EYS: variants seen among roughly 807,000 people sequenced by gnomAD.
The protein encoded by EYS is protein eyes shut homolog.
Under a neutral mutation model 282.1 loss-of-function variants are expected in EYS, and 250 were observed. The ratio of observed to expected loss-of-function variants is 0.89; its 90% CI spans 0.80 to 0.98. EYS has a LOEUF of 0.98. Among genes scored for constraint, EYS ranks in the 50% least tolerant of loss-of-function variants. The probability of loss-of-function intolerance (pLI) is 0.00; values close to 1 mark genes in which losing one functional copy is unlikely to be tolerated. For synonymous variants in EYS, 1,355 were observed against 1,282.9 expected, an observed-to-expected ratio of 1.06 and a Z score of -1.20; for missense variants, 4,016 against 3,709.0, an observed-to-expected ratio of 1.08 and a Z score of -2.15.
rs1347645814 is a variant in EYS at position 65,495,197 on chromosome 6, G to C, written c.214C>G (p.Gln72Glu). 2 of 1,614,162 alleles carry C rather than the reference G, an allele frequency of 1.2e-6. No homozygotes were observed. Among genetic ancestry groups the C allele is most frequent in the Non-Finnish European group, 8.5e-7 (1 of 1,180,032 alleles). Residue 72 changes from glutamine (Q) to glutamate (E), a missense_variant, in exon 4 of 43, where the codon CAA becomes GAA. Gln to Glu is a conservative substitution (Grantham distance 29, BLOSUM62 2). Coordinates refer to ENST00000503581, the MANE Select transcript of EYS (RefSeq NM_001142800.2). ...AAAGGGCAAATCTGGGGAACAGCTTGATTGCCTGAAGTATCTATTTTAGTG... is the reference window on the plus strand; with the variant it reads ...AAAGGGCAAATCTGGGGAACAGCTTCATTGCCTGAAGTATCTATTTTAGTG... Reference protein sequence around the residue: ...VNTKIDTSGNQAVPQICPLQI... With the variant: ...VNTKIDTSGNEAVPQICPLQI...
chr6:63,876,164 T>A (rs1296558789), intron 35 of EYS, among the ~76,000 whole-genome samples: 3 of 152,166 alleles, frequency 2.0e-5, no homozygotes, highest in Admixed American at 2.0e-4. Context: ...AGATTCTGGT[T>A]TGTTGTGTCT....
intron 33 of EYS, among the ~76,000 whole-genome samples, chr6:64,005,417 T>C (rs1768298207): frequency 6.6e-6 from 1 of 152,160 alleles, no homozygotes; most frequent in Non-Finnish European, 1.5e-5. Context: ...ATCTTACAGG[T>C]TGTCTGTTTA....
At chr6:64,383,796 T>G (rs1485635044) in intron 29 of EYS, among the ~76,000 whole-genome samples, 1 of 152,210 alleles carries the variant, frequency 6.6e-6, no homozygotes, top group African/African-American at 2.4e-5. Flanking sequence ...GTTGTTACCT[T>G]TCTTGATTTC....
chr6:64,704,732 A>G (rs1770940222), intron 22 of EYS, among the ~76,000 whole-genome samples: 2 of 152,044 alleles, frequency 1.3e-5, no homozygotes, highest in South Asian at 4.2e-4. Flanking sequence ...GAAGGGAAGA[A>G]CAATGATTGA....
At position 65,353,577 on chromosome 6, in the gene EYS, A is replaced by G; in HGVS notation, c.1340T>C (p.Phe447Ser). 1 of 1,613,256 alleles carries G rather than the reference A, an allele frequency of 6.2e-7. No homozygotes were observed. The highest frequency in any genetic ancestry group is 1.1e-5 in the South Asian group (1 of 91,076). The change falls in exon 9 of 43, where the codon TTT becomes TCT. Residue 447 changes from phenylalanine (F) to serine (S), a missense_variant. Physicochemically the swap from Phe to Ser is radical, Grantham distance 155. Transcript: ENST00000503581. ...ATGAATTAGGTAAACATTCTTCAAA[A>G]ACCAACATGGATTTTTTGTGCACCC... is the stretch of plus-strand genomic sequence containing the variant. ...IPGCTKNPCWFLKNVYLIHQH... is the reference protein window; with the variant it reads ...IPGCTKNPCWSLKNVYLIHQH...
chr6:64,775,041 T>G, intron 22 of EYS, among the ~76,000 whole-genome samples: 1 of 151,962 alleles, frequency 6.6e-6, no homozygotes, highest in East Asian at 1.9e-4. Context: ...CTCGAATGCC[T>G]AGAGATGTCC....
intron 9 of EYS, 125 bp from the exon 10 acceptor site, chr6:65,344,302 T>C (rs1044537734): frequency 9.0e-6 from 7 of 775,216 alleles, no homozygotes; most frequent in African/African-American, 8.8e-5. Flanking sequence ...ACAAAATAAG[T>C]TCCTGTATGC....
chr6:65,566,663 T>C (rs62407713), intron 2 of EYS, among the ~76,000 whole-genome samples: 1 of 152,070 alleles, frequency 6.6e-6, no homozygotes, highest in South Asian at 2.1e-4. Flanking sequence ...AACCTCTATA[T>C]TTAATCATGG....
intron 36 of EYS, among the ~76,000 whole-genome samples, chr6:63,855,713 G>A (rs1353312894): frequency 1.3e-5 from 2 of 152,198 alleles, no homozygotes; most frequent in Non-Finnish European, 2.9e-5. Flanking sequence ...TATGGCCAGT[G>A]TTTACAAGGT....
At position 64,024,055 on chromosome 6, in the gene EYS, G is replaced by A. The variant is rs538188706; in HGVS notation, c.6726-24872C>T. ...GCTCCTGTGCTGCCCGAGCCTCCCC[G>A]ATGAGTGCCACCCCCTGCTCCACAG... is the stretch of plus-strand genomic sequence containing the variant. On this transcript the variant is annotated intron_variant, in intron 33 of 42. Transcript: ENST00000503581. Among the ~76,000 whole-genome samples the A allele has an allele frequency of 2.8e-4, 42 of 152,284 alleles. 1 individual carries two copies. The South Asian group carries it at 8.1e-3, about 29-fold the overall frequency.
At chr6:64,447,053 T>A (rs1012138500) in intron 26 of EYS, among the ~76,000 whole-genome samples, 2 of 151,874 alleles carry the variant, frequency 1.3e-5, no homozygotes, top group Non-Finnish European at 2.9e-5. Context: ...TGAGAAAAAA[T>A]TTTATGTATG....
chr6:65,275,409 G>C (rs569807965), intron 12 of EYS, among the ~76,000 whole-genome samples: 2 of 152,264 alleles, frequency 1.3e-5, no homozygotes, highest in South Asian at 2.1e-4. Flanking sequence ...TCATCAAATG[G>C]AAATTTTATG....
At chr6:64,953,860 A>C (rs1243058491) in intron 14 of EYS, among the ~76,000 whole-genome samples, 1 of 152,006 alleles carries the variant, frequency 6.6e-6, no homozygotes, top group Non-Finnish European at 1.5e-5. Flanking sequence ...ATACAAATAC[A>C]TGAAGAATAT....
intron 2 of EYS, among the ~76,000 whole-genome samples, chr6:65,550,427 C>T (rs1161400427): frequency 1.1e-4 from 1 of 8,790 alleles, no homozygotes; most frequent in Non-Finnish European, 1.5e-4. Flanking sequence ...CATGCTGGTG[C>T]GCTGCACCCA....
At chr6:64,977,721 G>A (rs1269242452) in intron 14 of EYS, among the ~76,000 whole-genome samples, 1 of 150,944 alleles carries the variant, frequency 6.6e-6, no homozygotes, top group Non-Finnish European at 1.5e-5. Context: ...CAGTGAACAT[G>A]CAAATTGTAG....
intron 12 of EYS, among the ~76,000 whole-genome samples, chr6:65,091,102 C>A (rs1169913588): frequency 6.6e-6 from 1 of 151,286 alleles, no homozygotes; most frequent in Non-Finnish European, 1.5e-5. Context: ...TGTTCATATT[C>A]TGGATTAGGA....
chr6:64,073,431 G>C (rs1399983308), intron 32 of EYS, among the ~76,000 whole-genome samples: 1 of 151,604 alleles, frequency 6.6e-6, no homozygotes, highest in Non-Finnish European at 1.5e-5. Context: ...TGTAACCCTA[G>C]GATTCTATAA....
At chr6:65,534,911 A>C (rs1767909656) in intron 2 of EYS, among the ~76,000 whole-genome samples, 1 of 152,174 alleles carries the variant, frequency 6.6e-6, no homozygotes, top group African/African-American at 2.4e-5. Flanking sequence ...GCTGGAAAAC[A>C]CGATGTTTCT....
intron 5 of EYS, among the ~76,000 whole-genome samples, chr6:65,435,176 C>T (rs567439664): frequency 2.0e-5 from 3 of 151,496 alleles, no homozygotes; most frequent in Non-Finnish European, 4.4e-5. Flanking sequence ...ATAAAATAAC[C>T]TCAAAAAACA....
Sources: gnomAD v4.1 joint callset for allele counts (sites outside exome capture counted in the v4.1 genomes callset) on GRCh38, gnomAD v4.1.1 for gene constraint, MANE v1.5 for transcripts, NCBI Gene and HGNC (gene_info 2026-07-23, HGNC 2026-07-21) for gene names.